The following NAF1 variants were observed in gnomAD, a reference collection of about 807,000 sequenced individuals.
NAF1 encodes nuclear assembly factor 1 ribonucleoprotein.
Under a neutral mutation model 40.6 loss-of-function variants are expected in NAF1, and 11 were observed. The ratio of observed to expected loss-of-function variants is 0.27; its 90% CI spans 0.17 to 0.45. The LOEUF is 0.45. NAF1 is among the 20% of genes least tolerant of loss of function. The probability of loss-of-function intolerance (pLI) is 1.00; values close to 1 mark genes in which losing one functional copy is unlikely to be tolerated. For missense variants in NAF1, 607 were observed against 611.1 expected, an observed-to-expected ratio of 0.99 and a Z score of 0.07; for synonymous variants, 260 against 228.5, an observed-to-expected ratio of 1.14 and a Z score of -1.24.
At chr4:163,161,480 C>CA (rs1015179781) in intron 2 of NAF1, among the ~76,000 whole-genome samples, 169 of 124,114 alleles carry the variant, frequency 1.4e-3, no homozygotes, top group Non-Finnish European at 1.6e-3. Flanking sequence ...CCCCCCTCAC[C>CA]AAAAAAAAAA....
rs558191681 is a variant in NAF1 at position 163,166,403 on chromosome 4, C to A, written c.325G>T (p.Asp109Tyr). 21 of 1,607,526 alleles carry A rather than the reference C, an allele frequency of 1.3e-5. No individual in the cohort carries two copies. In the East Asian group the frequency reaches 4.5e-4, roughly 34 times the overall value. ...PGAAEPARAP[D>Y]SLETSDSDSD... ...TCCGAGTCCGAGGTCTCCAAGGAGT[C>A]CGGCGCCCGCGCAGGCTCTGCGGCT... The change falls in exon 1 of 8, where the codon GAC becomes TAC. Residue 109 changes from aspartate (D) to tyrosine (Y), a missense_variant. This residue lies in a region of NAF1 where 407 missense variants were observed against 365.5 expected (regional missense o/e 1.11). Transcript: ENST00000274054.
chr4:163,143,150 C>T (rs993121653), intron 4 of NAF1, among the ~76,000 whole-genome samples: 1 of 152,166 alleles, frequency 6.6e-6, no homozygotes, highest in East Asian at 1.9e-4. Flanking sequence ...TTTATACTTG[C>T]CCTGTCATTG....
chr4:163,134,003 G>T (rs1054242551), intron 6 of NAF1, among the ~76,000 whole-genome samples: 3 of 152,014 alleles, frequency 2.0e-5, no homozygotes, highest in Admixed American at 2.0e-4. Flanking sequence ...TTTATAAGCA[G>T]ATACATGAAT....
At chr4:163,135,769 G>A (rs1435231211) in intron 6 of NAF1, 1 of 152,028 alleles carries the variant, frequency 6.6e-6, no homozygotes, top group East Asian at 1.9e-4. Context: ...AGCCTGGGCA[G>A]AAAGAGCAAA....
intron 1 of NAF1, among the ~76,000 whole-genome samples, chr4:163,164,996 G>A (rs1312727895): frequency 6.6e-6 from 1 of 152,110 alleles, no homozygotes; most frequent in Non-Finnish European, 1.5e-5. Flanking sequence ...CTATTTTTAA[G>A]GGTTCCATCC....
At chr4:163,144,489 T>C (rs1731381466) in intron 4 of NAF1, among the ~76,000 whole-genome samples, 1 of 152,212 alleles carries the variant, frequency 6.6e-6, no homozygotes, top group South Asian at 2.1e-4. Context: ...AGATAAGACA[T>C]GCTAATAATC....
In NAF1 at chr4:163,137,362, A is replaced by G. The variant is rs367887822; in HGVS notation, c.879-112T>C. 4.6e-6 allele frequency: 5 copies of G among 1,095,934 alleles called. No homozygotes were observed. In the African/African-American group the frequency reaches 6.5e-5, roughly 14 times the overall value. 67.9% of individuals were successfully genotyped at this position (1,095,934 alleles called of 1,614,324 possible). A position where few individuals can be genotyped will look rare whatever the true frequency, so the allele number is the denominator to read the frequency against. ...GTAAAGGACATGAGTTCAACCTTTAATTTTGCAATACAGTTATGTGTCTTT... is the reference window on the plus strand; with the variant it reads ...GTAAAGGACATGAGTTCAACCTTTAGTTTTGCAATACAGTTATGTGTCTTT... On this transcript the variant is annotated intron_variant, in intron 5 of 7. Coordinates refer to ENST00000274054, the MANE Select transcript of NAF1 (RefSeq NM_138386.3).
intron 2 of NAF1, among the ~76,000 whole-genome samples, chr4:163,163,560 T>C (rs1431633774): frequency 2.6e-5 from 4 of 152,050 alleles, no homozygotes; most frequent in Non-Finnish European, 5.9e-5. Flanking sequence ...TCTTGGGTCA[T>C]AGGTTTCAAT....
At position 163,140,180 on chromosome 4, in the gene NAF1, A is replaced by T. The variant is rs1731202407; in HGVS notation, c.878+43T>A. 2.7e-6 allele frequency: 4 copies of T among 1,454,624 alleles called. No individual in the cohort carries two copies. The East Asian group carries it at 7.2e-5, about 26-fold the overall frequency. 90.1% of individuals were successfully genotyped at this position (1,454,624 alleles called of 1,614,324 possible). A position where few individuals can be genotyped will look rare whatever the true frequency, so the allele number is the denominator to read the frequency against. On this transcript the variant is annotated intron_variant, in intron 5 of 7. Transcript: ENST00000274054. ...CACTGAGAATTATTCTTAAAATATA[A>T]ACGTTAGGTAAGTGAAGAACAACAT...
chr4:163,127,958 T>C (rs193166985), downstream of NAF1, among the ~76,000 whole-genome samples: 63 of 152,352 alleles, frequency 4.1e-4, no homozygotes, highest in African/African-American at 1.5e-3. Context: ...TGAGTGATCT[T>C]AGTTAAATTA....
chr4:163,106,321 T>C (rs963698597), downstream of NAF1, among the ~76,000 whole-genome samples: 1 of 152,188 alleles, frequency 6.6e-6, no homozygotes, highest in African/African-American at 2.4e-5. Context: ...CTGACCAATA[T>C]GGTAATGCAC....
downstream of NAF1, among the ~76,000 whole-genome samples, chr4:163,123,542 C>A (rs558346739): frequency 6.6e-6 from 1 of 152,108 alleles, no homozygotes; most frequent in African/African-American, 2.4e-5. Flanking sequence ...TAACCATGCT[C>A]GGCTAATTTT....
chr4:163,145,993 T>A, intron 3 of NAF1, 129 bp from the exon 4 acceptor site: 1 of 528,572 alleles, frequency 1.9e-6, no homozygotes, highest in Non-Finnish European at 3.3e-6. Flanking sequence ...TCATTAACCA[T>A]TTTCTCTTCA....
At chr4:163,130,962 T>A (rs749684497) in intron 7 of NAF1, among the ~76,000 whole-genome samples, 17 of 152,186 alleles carry the variant, frequency 1.1e-4, no homozygotes, top group Admixed American at 3.3e-4. Flanking sequence ...CACTGCAACC[T>A]CCGCTGCCCG....
chr4:163,133,565 A>G, intron 6 of NAF1: 1 of 255,362 alleles, frequency 3.9e-6, no homozygotes, highest in Non-Finnish European at 7.5e-6. Context: ...TAAGAGTATC[A>G]AGGACTAAGC....
chr4:163,121,726 A>G (rs1157976646), downstream of NAF1, among the ~76,000 whole-genome samples: 1 of 152,182 alleles, frequency 6.6e-6, no homozygotes, highest in Non-Finnish European at 1.5e-5. Flanking sequence ...TACTTTCCTT[A>G]GCACTTATAG....
intron 4 of NAF1, chr4:163,144,157 A>T: frequency 3.8e-6 from 1 of 263,962 alleles, no homozygotes; most frequent in Non-Finnish European, 5.9e-6. Context: ...CTAGTTCATC[A>T]AGGGAACTAG....
chr4:163,150,525 A>G (rs915998671), intron 2 of NAF1, among the ~76,000 whole-genome samples: 10 of 152,136 alleles, frequency 6.6e-5, no homozygotes, highest in African/African-American at 2.4e-4. Flanking sequence ...ATATCTTTCT[A>G]TAACAAACAA....
intron 2 of NAF1, among the ~76,000 whole-genome samples, chr4:163,114,449 A>T (rs1730262781): frequency 6.6e-6 from 1 of 152,156 alleles, no homozygotes; most frequent in Non-Finnish European, 1.5e-5. Flanking sequence ...GATTCCAGAA[A>T]ATTTATTTTC....
Sources: allele counts gnomAD v4.1 joint callset (sites outside exome capture counted in the v4.1 genomes callset), GRCh38; gene constraint gnomAD v4.1.1; regional missense constraint gnomAD v4.1.1; transcripts MANE v1.5; gene names NCBI Gene and HGNC (gene_info 2026-07-23, HGNC 2026-07-21).